NKAIN2: variants seen among roughly 807,000 people sequenced by gnomAD.
The protein encoded by NKAIN2 is sodium/potassium transporting ATPase interacting 2, also known as sodium/potassium-transporting ATPase subunit beta-1-interacting protein 2.
NKAIN2 carries 14 observed loss-of-function variants against 32.6 expected under a neutral mutation model. That is an observed-to-expected ratio of 0.43 (90% CI 0.28 to 0.67). The LOEUF (loss-of-function observed/expected upper bound fraction) is 0.67, where lower values mean the gene tolerates loss of function less well. NKAIN2 is among the 30% of genes least tolerant of loss of function. The pLI is 0.17. For missense variants in NKAIN2, 198 were observed against 258.3 expected (o/e 0.77, Z 1.60); for synonymous variants, 80 against 87.2 (o/e 0.92, Z 0.46).
chr6:124,280,487 T>C (rs1795240441), intron 1 of NKAIN2, among the ~76,000 whole-genome samples: 1 of 152,182 alleles, frequency 6.6e-6, no homozygotes, highest in South Asian at 2.1e-4. Context: ...TTACCTCTTC[T>C]GTAACTTCAA....
intron 1 of NKAIN2, among the ~76,000 whole-genome samples, chr6:124,008,305 G>A (rs1002495412): frequency 6.6e-6 from 1 of 152,182 alleles, no homozygotes; most frequent in Non-Finnish European, 1.5e-5. Context: ...CAACGAAAGA[G>A]TAGAACTATT....
At chr6:124,129,809 G>C (rs1394212814) in intron 1 of NKAIN2, among the ~76,000 whole-genome samples, 1 of 152,088 alleles carries the variant, frequency 6.6e-6, no homozygotes, top group Non-Finnish European at 1.5e-5. Flanking sequence ...AGTAGAAAAG[G>C]GATTTCACCA....
chr6:124,680,602 A>AATT (rs1583634170), intron 4 of NKAIN2, among the ~76,000 whole-genome samples: 1 of 152,268 alleles, frequency 6.6e-6, no homozygotes, highest in East Asian at 1.9e-4. Context: ...TGAACATACA[A>AATT]ATTAAAATAT....
intron 3 of NKAIN2, among the ~76,000 whole-genome samples, chr6:124,606,395 C>G (rs1306253817): frequency 6.6e-6 from 1 of 151,942 alleles, no homozygotes; most frequent in East Asian, 1.9e-4. Context: ...ACAATCACAC[C>G]TCTATCTGCT....
intron 1 of NKAIN2, among the ~76,000 whole-genome samples, chr6:124,217,824 TA>T (rs1270953280): frequency 6.6e-6 from 1 of 152,014 alleles, no homozygotes; most frequent in Non-Finnish European, 1.5e-5. Context: ...CATATCTATA[TA>T]TAGAGAGAGA....
At chr6:124,409,287 T>A (rs202234133) in intron 3 of NKAIN2, among the ~76,000 whole-genome samples, 584 of 151,952 alleles carry the variant, frequency 3.8e-3, no homozygotes, top group Non-Finnish European at 6.7e-3. Flanking sequence ...TCAAAGGGAA[T>A]GCTTCCAGTT....
intron 1 of NKAIN2, among the ~76,000 whole-genome samples, chr6:124,129,849 C>T (rs1196010542): frequency 6.6e-6 from 1 of 152,124 alleles, no homozygotes; most frequent in Non-Finnish European, 1.5e-5. Flanking sequence ...GAACTCCTGA[C>T]CTCAGGTAAT....
intron 1 of NKAIN2, among the ~76,000 whole-genome samples, chr6:124,231,613 T>TA (rs1164481984): frequency 6.6e-6 from 1 of 152,070 alleles, no homozygotes; most frequent in African/African-American, 2.4e-5. Context: ...GAATAAGTCT[T>TA]ACGAAATCTG....
intron 1 of NKAIN2, among the ~76,000 whole-genome samples, chr6:124,240,704 G>T (rs1196090584): frequency 6.6e-6 from 1 of 152,074 alleles, no homozygotes; most frequent in African/African-American, 2.4e-5. Flanking sequence ...ACCCCTTCAT[G>T]CTAAAAACTC....
intron 5 of NKAIN2, among the ~76,000 whole-genome samples, chr6:124,810,762 C>G (rs1418644995): frequency 2.0e-5 from 3 of 151,898 alleles, no homozygotes; most frequent in South Asian, 2.1e-4. Context: ...GTTTAGGAAG[C>G]GAAGCATCTG....
intron 3 of NKAIN2, among the ~76,000 whole-genome samples, chr6:124,455,304 A>G (rs1416817503): frequency 3.3e-5 from 5 of 152,082 alleles, no homozygotes; most frequent in Admixed American, 2.6e-4. Flanking sequence ...CAGCACTCAC[A>G]TATGCGTACA....
intron 1 of NKAIN2, among the ~76,000 whole-genome samples, chr6:124,108,252 A>G (rs770242440): frequency 2.0e-5 from 3 of 151,990 alleles, no homozygotes; most frequent in Non-Finnish European, 2.9e-5. Flanking sequence ...GTTTTAATTT[A>G]CCTTTCCTGA....
chr6:124,359,749 T>A (rs1022979484), intron 3 of NKAIN2, among the ~76,000 whole-genome samples: 17 of 152,180 alleles, frequency 1.1e-4, no homozygotes, highest in African/African-American at 3.1e-4. Context: ...CTTTTCCTAA[T>A]TGAATACCCT....
intron 4 of NKAIN2, among the ~76,000 whole-genome samples, chr6:124,774,909 T>C (rs1031891197): frequency 1.3e-5 from 2 of 150,004 alleles, no homozygotes; most frequent in African/African-American, 4.9e-5. Flanking sequence ...TTTGACAGTA[T>C]CTTTGGACAG....
chr6:124,485,785 T>G (rs1777625648), intron 3 of NKAIN2, among the ~76,000 whole-genome samples: 1 of 152,082 alleles, frequency 6.6e-6, no homozygotes, highest in African/African-American at 2.4e-5. Flanking sequence ...ATAGAGTAAG[T>G]CATTTAGGTA....
intron 5 of NKAIN2, among the ~76,000 whole-genome samples, chr6:124,811,449 A>G (rs953049915): frequency 6.6e-6 from 1 of 152,194 alleles, no homozygotes; most frequent in African/African-American, 2.4e-5. Flanking sequence ...GGTTTAAATA[A>G]AAGAGAGGCT....
At chr6:124,130,306 T>A (rs1463352514) in intron 1 of NKAIN2, among the ~76,000 whole-genome samples, 2 of 152,202 alleles carry the variant, frequency 1.3e-5, no homozygotes, top group Non-Finnish European at 2.9e-5. Context: ...TTGATAATGT[T>A]CTTTTCATCT....
At chr6:124,599,850 T>C (rs998758301) in intron 3 of NKAIN2, among the ~76,000 whole-genome samples, 2 of 152,042 alleles carry the variant, frequency 1.3e-5, no homozygotes, top group African/African-American at 4.8e-5. Context: ...TGGGGTATGA[T>C]GAAATGGAAC....
chr6:123,804,642 T>C (rs1258516717), intron 1 of NKAIN2, among the ~76,000 whole-genome samples: 2 of 152,222 alleles, frequency 1.3e-5, no homozygotes, highest in Admixed American at 6.5e-5. Context: ...ACTTTTCTTC[T>C]CTATACTAAT....
Sources: gnomAD v4.1 joint callset for allele counts (sites outside exome capture counted in the v4.1 genomes callset) on GRCh38, gnomAD v4.1.1 for gene constraint, MANE v1.5 for transcripts, NCBI Gene and HGNC (gene_info 2026-07-23, HGNC 2026-07-21) for gene names.